GSE1: variants seen among roughly 807,000 people sequenced by gnomAD.
The protein encoded by GSE1 is Gse1 coiled-coil protein.
Under a neutral mutation model 112.6 loss-of-function variants are expected in GSE1, and 32 were observed. The observed-to-expected ratio is 0.28, with a 90% confidence interval of 0.21 to 0.38. GSE1 has a LOEUF of 0.38. GSE1 is among the 10% of genes least tolerant of loss of function. GSE1 has a pLI of 1.00. For synonymous variants in GSE1, 1,115 were observed against 735.6 expected (o/e 1.52, Z -8.35); for missense variants, 2,348 against 1,699.2 (o/e 1.38, Z -6.71).
chr16:85,630,965 G>A (rs980947432), intron 1 of GSE1, among the ~76,000 whole-genome samples: 1 of 152,210 alleles, frequency 6.6e-6, no homozygotes, highest in Non-Finnish European at 1.5e-5. Context: ...CTTGAGAGGT[G>A]CCCGACTGGT....
At chr16:85,392,576 A>G (rs2047867311) in intron 2 of GSE1, among the ~76,000 whole-genome samples, 2 of 152,222 alleles carry the variant, frequency 1.3e-5, no homozygotes, top group Non-Finnish European at 2.9e-5. Context: ...GATGCAGGTT[A>G]TGTATAATAA....
rs74031827 is a variant in GSE1, at chr16:85,514,108, C to G, written c.2465-119806C>G. ...GGTGCAGAGGTCAGGGCTGATCACT[C>G]TCCCTGCCTCCTTCTGGAAGAACCC... On this transcript the variant is annotated intron_variant, in intron 2 of 2. Coordinates refer to the GSE1 transcript ENST00000637419. Among the ~76,000 whole-genome samples, 659 of 151,970 alleles carry G rather than the reference C, an allele frequency of 4.3e-3. 6 individuals carry two copies. Among genetic ancestry groups the G allele is most frequent in the African/African-American group, 0.014 (580 of 41,310 alleles).
intron 2 of GSE1, among the ~76,000 whole-genome samples, chr16:85,522,608 A>T (rs2052225156): frequency 2.6e-5 from 4 of 152,194 alleles, no homozygotes; most frequent in Admixed American, 2.6e-4. Flanking sequence ...ACTGATGGGG[A>T]AACTGAGTCA....
intron 2 of GSE1, among the ~76,000 whole-genome samples, chr16:85,527,710 G>C (rs2052408401): frequency 1.3e-5 from 2 of 152,256 alleles, no homozygotes; most frequent in Admixed American, 6.5e-5. Flanking sequence ...GAAGTGGGCT[G>C]ATTGCACAGC....
chr16:85,402,051 C>T (rs760150469), intron 2 of GSE1, among the ~76,000 whole-genome samples: 2 of 152,216 alleles, frequency 1.3e-5, no homozygotes, highest in Non-Finnish European at 2.9e-5. Context: ...GTTGGAGGCC[C>T]AACCATTTCC....
intron 1 of GSE1, among the ~76,000 whole-genome samples, chr16:85,346,256 A>G (rs1386184650): frequency 1.3e-5 from 2 of 148,276 alleles, no homozygotes; most frequent in East Asian, 4.2e-4. Flanking sequence ...GGATGGATGG[A>G]TGATGGATGG....
intron 1 of GSE1, among the ~76,000 whole-genome samples, chr16:85,249,140 G>A (rs987740729): frequency 6.6e-6 from 1 of 152,266 alleles, no homozygotes; most frequent in Non-Finnish European, 1.5e-5. Context: ...GCCCAGCTAA[G>A]ACATCTTGCC....
intron 2 of GSE1, among the ~76,000 whole-genome samples, chr16:85,499,237 A>C (rs2051281154): frequency 6.7e-6 from 1 of 148,820 alleles, no homozygotes; most frequent in African/African-American, 2.4e-5. Context: ...AGGACAACCC[A>C]GATGGGCATC....
intron 2 of GSE1, among the ~76,000 whole-genome samples, chr16:85,461,778 A>G (rs1180127944): frequency 3.9e-5 from 6 of 152,070 alleles, no homozygotes; most frequent in Admixed American, 2.0e-4. Flanking sequence ...CAGCCTCACT[A>G]GATCTCCTGC....
intron 1 of GSE1, chr16:85,185,351 TG>T (rs1178581100): frequency 1.3e-5 from 2 of 152,410 alleles, no homozygotes; most frequent in East Asian, 3.9e-4. Context: ...TTTGGGGCCA[TG>T]GGTCTGAGAG....
intron 1 of GSE1, among the ~76,000 whole-genome samples, chr16:85,261,826 T>C (rs1287364500): frequency 6.6e-6 from 1 of 152,316 alleles, no homozygotes; most frequent in Non-Finnish European, 1.5e-5. Context: ...TGTGCCTGTG[T>C]TTCTGCAGCT....
chr16:85,415,514 C>T (rs1050541471), intron 2 of GSE1, among the ~76,000 whole-genome samples: 7 of 152,226 alleles, frequency 4.6e-5, no homozygotes, highest in Non-Finnish European at 1.0e-4. Flanking sequence ...AGATCCCTGG[C>T]TCTGCTCCCC....
chr16:85,329,424 C>G (rs1677782898), intron 1 of GSE1, among the ~76,000 whole-genome samples: 1 of 152,032 alleles, frequency 6.6e-6, no homozygotes, highest in Non-Finnish European at 1.5e-5. Context: ...AGCCCCAGCC[C>G]CAGGGGCTGC....
At chr16:85,186,868 T>A (rs1021950088) in intron 1 of GSE1, among the ~76,000 whole-genome samples, 1 of 152,216 alleles carries the variant, frequency 6.6e-6, no homozygotes, top group Non-Finnish European at 1.5e-5. Flanking sequence ...ATAGCAGCGA[T>A]GGTTGCCATG....
At chr16:85,403,522 G>C (rs2048168526) in intron 2 of GSE1, among the ~76,000 whole-genome samples, 1 of 152,270 alleles carries the variant, frequency 6.6e-6, no homozygotes, top group East Asian at 1.9e-4. Flanking sequence ...GGGCACAGTG[G>C]CTCACACCTG....
At chr16:85,316,699 A>G (rs886355222) in intron 1 of GSE1, among the ~76,000 whole-genome samples, 1 of 152,216 alleles carries the variant, frequency 6.6e-6, no homozygotes, top group Non-Finnish European at 1.5e-5. Flanking sequence ...TGGCCTCTGC[A>G]GTAGATCGAG....
chr16:85,513,211 G>C (rs1023852875), intron 2 of GSE1, among the ~76,000 whole-genome samples: 6 of 152,116 alleles, frequency 3.9e-5, no homozygotes, highest in Middle Eastern at 3.4e-3. Flanking sequence ...CTCAGAGATG[G>C]CAGCTGGGAG....
At position 85,635,206 on chromosome 16, in the gene GSE1, G is replaced by C. The variant is rs528770118; in HGVS notation, c.226+1074G>C. 5.3e-5 allele frequency among the ~76,000 whole-genome samples: 8 copies of C among 152,154 alleles called. No individual in the cohort carries two copies. In the South Asian group the frequency reaches 8.3e-4, roughly 16 times the overall value. ...TTCTGCTGCTGCTCGTTGGAGAATG[G>C]GGGGAGTGTGAGAGGACACACCTGA... On this transcript the variant is annotated intron_variant, in intron 2 of 15. Coordinates refer to ENST00000253458, the MANE Select transcript of GSE1 (RefSeq NM_014615.5).
chr16:85,305,812 G>T (rs148521830), intron 1 of GSE1, among the ~76,000 whole-genome samples: 1 of 152,104 alleles, frequency 6.6e-6, no homozygotes, highest in Admixed American at 6.5e-5. Flanking sequence ...CTGGTGGACC[G>T]CACATGGTGT....
Sources: allele counts gnomAD v4.1 joint callset (sites outside exome capture counted in the v4.1 genomes callset), GRCh38; gene constraint gnomAD v4.1.1; transcripts MANE v1.5; gene names NCBI Gene and HGNC (gene_info 2026-07-23, HGNC 2026-07-21).